The following PAWR variants were observed in gnomAD, a reference collection of about 807,000 sequenced individuals.
PAWR encodes the protein PRKC apoptosis WT1 regulator protein.
In PAWR, 23 loss-of-function variants were observed where a neutral mutation model predicts 32.0. That is an observed-to-expected ratio of 0.72 (90% CI 0.52 to 1.02). PAWR has a LOEUF of 1.02. Among genes scored for constraint, PAWR ranks in the 50% least tolerant of loss-of-function variants. PAWR has a pLI of 0.00. For missense variants in PAWR, 457 were observed against 437.7 expected (o/e 1.04, Z -0.39); for synonymous variants, 226 against 187.1 (o/e 1.21, Z -1.70).
intron 2 of PAWR, among the ~76,000 whole-genome samples, chr12:79,634,467 A>G (rs914192352): frequency 1.3e-5 from 2 of 152,164 alleles, no homozygotes; most frequent in African/African-American, 2.4e-5. Flanking sequence ...TTTAGGAGGT[A>G]CACACAATGT....
rs370428061 is a variant in PAWR, at chr12:79,667,562, G to A, written c.516+22167C>T. 7.2e-5 allele frequency among the ~76,000 whole-genome samples: 11 copies of A among 152,188 alleles called. 1 individual carries two copies. Among genetic ancestry groups the A allele is most frequent in the Admixed American group, 3.9e-4 (6 of 15,292 alleles). On this transcript the variant is annotated intron_variant, in intron 2 of 6. Transcript: ENST00000328827. ...GATTACAAGTTAAGAGACATTGCAA[G>A]CAACTATAATGTATAGATCTTATTT...
At position 79,689,720 on chromosome 12, in the gene PAWR, C is replaced by T. The variant is rs1413431200; in HGVS notation, c.516+9G>A. 6.5e-7 allele frequency: 1 copy of T among 1,543,180 alleles called. No homozygotes were observed. The highest frequency in any genetic ancestry group is 8.7e-7 in the Non-Finnish European group (1 of 1,148,342). The stretch of plus-strand genomic sequence containing the variant: ...GGCCCGGTCCGGCTGCGGCCCCCGC[C>T]CGGCTCACCTCTGCGGCAGGGATGT... On this transcript the variant is annotated intron_variant, in intron 2 of 6. Transcript: ENST00000328827.
intron 3 of PAWR, among the ~76,000 whole-genome samples, chr12:79,617,389 G>T (rs1397777482): frequency 6.6e-6 from 1 of 152,066 alleles, no homozygotes; most frequent in Non-Finnish European, 1.5e-5. Flanking sequence ...ACAGTAAAAT[G>T]TTCCCCACAC....
chr12:79,606,366 C>T (rs1464823554), intron 4 of PAWR, among the ~76,000 whole-genome samples: 2 of 152,216 alleles, frequency 1.3e-5, no homozygotes, highest in African/African-American at 2.4e-5. Context: ...ATCTTAATAA[C>T]AGGGAACAGT....
At chr12:79,682,943 C>T (rs1878513331) in intron 2 of PAWR, among the ~76,000 whole-genome samples, 2 of 152,122 alleles carry the variant, frequency 1.3e-5, no homozygotes, top group Non-Finnish European at 1.5e-5. Flanking sequence ...GTTTGAGTTG[C>T]TAATTATCAA....
At chr12:79,615,271 C>T (rs562805772) in intron 3 of PAWR, among the ~76,000 whole-genome samples, 1 of 152,260 alleles carries the variant, frequency 6.6e-6, no homozygotes, top group South Asian at 2.1e-4. Flanking sequence ...GAACCCTCCA[C>T]CAGCAATTCC....
chr12:79,626,850 T>C (rs1019710299), intron 2 of PAWR, among the ~76,000 whole-genome samples: 3 of 152,138 alleles, frequency 2.0e-5, no homozygotes, highest in African/African-American at 7.2e-5. Flanking sequence ...TTTGGTTTTC[T>C]GTCCTTGCGA....
intron 2 of PAWR, among the ~76,000 whole-genome samples, chr12:79,679,918 A>G (rs952848): frequency 0.12 from 17,884 of 152,202 alleles, 1,135 homozygotes; most frequent in Non-Finnish European, 0.14. Flanking sequence ...GTATACTCTT[A>G]TATGAGTACT....
rs1342159786 is a variant in PAWR, at chr12:79,632,316, T to TATATATAC, written c.517-11110_517-11109insGTATATAT. 4.2e-3 allele frequency among the ~76,000 whole-genome samples: 90 copies of TATATATAC among 21,514 alleles called. 1 individual carries two copies. Among genetic ancestry groups the TATATATAC allele is most frequent in the Non-Finnish European group, 5.2e-3 (76 of 14,614 alleles). The allele number at this position is 21,514 out of a possible 152,430, so 14.1% of individuals were successfully genotyped here. ...ATATACATATATATATACATACATA[T>TATATATAC]ATATATATATATATATATATATATA... On this transcript the variant is annotated intron_variant, in intron 2 of 6. Transcript: ENST00000328827.
At chr12:79,606,741 T>C (rs1056900330) in intron 4 of PAWR, among the ~76,000 whole-genome samples, 2 of 152,208 alleles carry the variant, frequency 1.3e-5, no homozygotes, top group African/African-American at 2.4e-5. Flanking sequence ...TTAACATTAC[T>C]ACCATGAGGT....
Position 79,591,201 on chromosome 12 carries a change from C to T in PAWR, c.*1406G>A, listed in dbSNP as rs1347853712. 6.6e-6 allele frequency: 1 copy of T among 152,090 alleles called. No individual in the cohort carries two copies. The highest frequency in any genetic ancestry group is 1.5e-5 in the Non-Finnish European group (1 of 68,012). 9.4% of individuals were successfully genotyped at this position (152,090 alleles called of 1,614,324 possible). On this transcript the variant is annotated 3_prime_UTR_variant, in exon 7 of 7. Coordinates refer to ENST00000328827, the MANE Select transcript of PAWR (RefSeq NM_002583.4). ...CTTCTGAACTGGGGGAGAAAGCCAA[C>T]CTAGGTAAATGTAGAGACTTTTAGA... is the stretch of plus-strand genomic sequence containing the variant.
At chr12:79,643,643 C>T (rs1484489054) in intron 2 of PAWR, among the ~76,000 whole-genome samples, 2 of 152,122 alleles carry the variant, frequency 1.3e-5, no homozygotes, top group Non-Finnish European at 2.9e-5. Flanking sequence ...CATTTACATA[C>T]AAAACCTACT....
chr12:79,688,122 A>T (rs555053929), intron 2 of PAWR, among the ~76,000 whole-genome samples: 17 of 152,198 alleles, frequency 1.1e-4, no homozygotes, highest in African/African-American at 3.1e-4. Flanking sequence ...CTACATTCTC[A>T]GCACTATGTT....
At chr12:79,680,978 G>C (rs1299434551) in intron 2 of PAWR, among the ~76,000 whole-genome samples, 1 of 151,704 alleles carries the variant, frequency 6.6e-6, no homozygotes, top group Non-Finnish European at 1.5e-5. Flanking sequence ...AGCCCAATGT[G>C]GTGGTGCAAG....
At position 79,596,827 on chromosome 12, in the gene PAWR, A is replaced by C. The variant is rs1336232551; in HGVS notation, c.684-169T>G. 4 of 518,534 alleles carry C rather than the reference A, an allele frequency of 7.7e-6. No individual in the cohort carries two copies. In the East Asian group the frequency reaches 9.6e-5, roughly 12 times the overall value. The allele number at this position is 518,534 out of a possible 1,614,324, so 32.1% of individuals were successfully genotyped here. On this transcript the variant is annotated intron_variant, in intron 4 of 6. Coordinates refer to ENST00000328827, the MANE Select transcript of PAWR (RefSeq NM_002583.4). ...ATCATTATTCCCACACAATGAAAAA[A>C]ATGTAAAAGTACCATTAATTCTTTC...
chr12:79,626,320 CG>C (rs1566008105), intron 2 of PAWR, among the ~76,000 whole-genome samples: 1 of 148,120 alleles, frequency 6.8e-6, no homozygotes, highest in Non-Finnish European at 1.5e-5. Flanking sequence ...AGTGCAGTGG[CG>C]TGATCTCGGC....
chr12:79,605,337 A>G (rs1379067721), intron 4 of PAWR, among the ~76,000 whole-genome samples: 1 of 152,172 alleles, frequency 6.6e-6, no homozygotes. Context: ...TCACCACCTG[A>G]GAGCTAGACA....
chr12:79,604,626 T>A (rs1215679016), intron 4 of PAWR: 3 of 1,285,338 alleles, frequency 2.3e-6, no homozygotes, highest in East Asian at 5.6e-5. Context: ...CTGGCTTCCA[T>A]CCTTTTAGTA....
chr12:79,680,874 C>T (rs1328112817), intron 2 of PAWR, among the ~76,000 whole-genome samples: 1 of 151,848 alleles, frequency 6.6e-6, no homozygotes, highest in Admixed American at 6.6e-5. Context: ...CCCAACAACA[C>T]TTTGAGAGGC....
Sources: allele counts gnomAD v4.1 joint callset (sites outside exome capture counted in the v4.1 genomes callset), GRCh38; gene constraint gnomAD v4.1.1; transcripts MANE v1.5; gene names NCBI Gene and HGNC (gene_info 2026-07-23, HGNC 2026-07-21).